Variants in GRIK2 observed in about 807,000 individuals in gnomAD.
The protein encoded by GRIK2 is glutamate receptor ionotropic, kainate 2.
A neutral mutation model predicts 100.3 loss-of-function variants in GRIK2; 32 were observed. The ratio of observed to expected loss-of-function variants is 0.32; its 90% CI spans 0.24 to 0.43. The LOEUF is 0.43. Among genes scored for constraint, GRIK2 ranks in the 20% least tolerant of loss-of-function variants. GRIK2 has a pLI of 1.00. For synonymous variants in GRIK2, 417 were observed against 389.4 expected (o/e 1.07, Z -0.83); for missense variants, 843 against 1,114.9 (o/e 0.76, Z 3.47).
intron 2 of GRIK2, among the ~76,000 whole-genome samples, chr6:101,595,245 A>C (rs1346707373): frequency 6.6e-6 from 1 of 151,664 alleles, no homozygotes; most frequent in African/African-American, 2.4e-5. Context: ...AGACAGACAG[A>C]AGGAGGGGAG....
intron 14 of GRIK2, among the ~76,000 whole-genome samples, chr6:102,023,450 CAGAA>C (rs1012324485): frequency 1.3e-5 from 2 of 151,336 alleles, no homozygotes; most frequent in Non-Finnish European, 3.0e-5. Context: ...GGGTAACAAA[CAGAA>C]GGAGAAGAGG....
intron 14 of GRIK2, among the ~76,000 whole-genome samples, chr6:101,955,797 T>A (rs1297525643): frequency 1.3e-5 from 2 of 152,152 alleles, no homozygotes; most frequent in East Asian, 3.9e-4. Context: ...GATAATTTTG[T>A]TATTCTTGCT....
intron 9 of GRIK2, among the ~76,000 whole-genome samples, chr6:101,816,730 T>A (rs1053119613): frequency 2.0e-5 from 3 of 151,898 alleles, no homozygotes; most frequent in African/African-American, 7.3e-5. Context: ...TTTTAAAAAA[T>A]TAAATAGTTT....
chr6:101,616,208 C>A (rs1423380219), intron 2 of GRIK2, among the ~76,000 whole-genome samples: 1 of 151,778 alleles, frequency 6.6e-6, no homozygotes, highest in Non-Finnish European at 1.5e-5. Context: ...AGCAAAGACA[C>A]AAACACCCTG....
intron 7 of GRIK2, among the ~76,000 whole-genome samples, chr6:101,723,440 A>T (rs577539598): frequency 6.6e-6 from 1 of 152,140 alleles, no homozygotes; most frequent in African/African-American, 2.4e-5. Flanking sequence ...ATAATAGTAG[A>T]TTGCAAAATA....
chr6:101,660,777 C>T (rs997256854), intron 4 of GRIK2, among the ~76,000 whole-genome samples: 1 of 152,100 alleles, frequency 6.6e-6, no homozygotes. Flanking sequence ...CACTCCAGAC[C>T]CTTTTTGCTT....
intron 7 of GRIK2, among the ~76,000 whole-genome samples, chr6:101,722,901 G>C (rs1015526609): frequency 1.3e-5 from 2 of 152,028 alleles, no homozygotes; most frequent in African/African-American, 4.8e-5. Context: ...TAATCTGGGA[G>C]AGGATGCTGT....
chr6:101,837,995 CT>C (rs1783249983), intron 10 of GRIK2, among the ~76,000 whole-genome samples: 1 of 152,008 alleles, frequency 6.6e-6, no homozygotes, highest in African/African-American at 2.4e-5. Context: ...TTTTCCCCTT[CT>C]CCCCCAAAGC....
chr6:101,861,689 A>G (rs988752398), intron 11 of GRIK2, among the ~76,000 whole-genome samples: 1 of 152,174 alleles, frequency 6.6e-6, no homozygotes, highest in African/African-American at 2.4e-5. Context: ...CAAAATAGTC[A>G]TTATAGATAA....
intron 14 of GRIK2, among the ~76,000 whole-genome samples, chr6:101,972,565 C>T (rs953234906): frequency 3.5e-5 from 5 of 143,904 alleles, no homozygotes; most frequent in South Asian, 2.2e-4. Context: ...TTTACTCTGT[C>T]GATAGTTTCT....
intron 9 of GRIK2, among the ~76,000 whole-genome samples, chr6:101,808,376 C>T (rs961990032): frequency 2.6e-5 from 4 of 152,022 alleles, no homozygotes; most frequent in East Asian, 1.9e-4. Flanking sequence ...AACTGTAATG[C>T]AATAATAAAA....
At chr6:101,705,718 G>T (rs1773232153) in intron 7 of GRIK2, among the ~76,000 whole-genome samples, 1 of 151,814 alleles carries the variant, frequency 6.6e-6, no homozygotes, top group South Asian at 2.1e-4. Flanking sequence ...ATGTAAAACA[G>T]CAATCATTTA....
chr6:101,597,597 A>G lies in GRIK2; in HGVS notation c.116-24352A>G, dbSNP rs912439025. Among the ~76,000 whole-genome samples the G allele has an allele frequency of 7.2e-5, 11 of 151,756 alleles. 1 individual carries two copies. Among genetic ancestry groups the G allele is most frequent in the Non-Finnish European group, 1.3e-4 (9 of 67,838 alleles). ...GTTTTGTTCAATGCTCTATTCTCTG[A>G]CACAAAGAAGATTCTGAATACTAAT... On this transcript the variant is annotated intron_variant, in intron 2 of 16. Transcript: ENST00000369134.
intron 10 of GRIK2, among the ~76,000 whole-genome samples, chr6:101,820,119 C>A (rs1462283797): frequency 6.6e-6 from 1 of 152,132 alleles, no homozygotes; most frequent in South Asian, 2.1e-4. Context: ...CCTTGCTCTG[C>A]AATATGCTTA....
chr6:101,514,176 CTG>C, intron 2 of GRIK2, among the ~76,000 whole-genome samples: 1 of 152,162 alleles, frequency 6.6e-6, no homozygotes, highest in African/African-American at 2.4e-5. Flanking sequence ...GCTGAAACAA[CTG>C]AATATCTGTA....
chr6:101,903,924 A>G (rs1788047019), intron 12 of GRIK2, among the ~76,000 whole-genome samples: 1 of 151,658 alleles, frequency 6.6e-6, no homozygotes. Context: ...TCTATGATCA[A>G]ATAAGGTCAG....
intron 10 of GRIK2, among the ~76,000 whole-genome samples, chr6:101,828,277 G>T (rs978044375): frequency 6.6e-6 from 1 of 151,948 alleles, no homozygotes; most frequent in Admixed American, 6.6e-5. Flanking sequence ...TGTGTGAAAA[G>T]CAGTGATAAG....
intron 7 of GRIK2, among the ~76,000 whole-genome samples, chr6:101,734,276 A>G (rs9485534): frequency 0.12 from 18,659 of 152,164 alleles, 1,346 homozygotes; most frequent in South Asian, 0.21. Flanking sequence ...AGAAGAGTTA[A>G]TGTTATAGTT....
At chr6:101,870,612 C>A (rs1415502409) in intron 11 of GRIK2, among the ~76,000 whole-genome samples, 1 of 151,598 alleles carries the variant, frequency 6.6e-6, no homozygotes, top group Non-Finnish European at 1.5e-5. Flanking sequence ...ATAAATTATC[C>A]ACCTACCCTT....
Sources: allele counts gnomAD v4.1 joint callset (sites outside exome capture counted in the v4.1 genomes callset), GRCh38; gene constraint gnomAD v4.1.1; transcripts MANE v1.5; gene names NCBI Gene and HGNC (gene_info 2026-07-23, HGNC 2026-07-21).